Variants in MAPKAPK2 observed in about 807,000 individuals in gnomAD.
The protein encoded by MAPKAPK2 is MAPK activated protein kinase 2, also known as MAP kinase-activated protein kinase 2.
Under a neutral mutation model 48.8 loss-of-function variants are expected in MAPKAPK2, and 9 were observed. The observed-to-expected ratio is 0.18, with a 90% CI of 0.11 to 0.32. The LOEUF (loss-of-function observed/expected upper bound fraction) is 0.32, where lower values mean the gene tolerates loss of function less well. Among genes scored for constraint, MAPKAPK2 ranks in the 10% least tolerant of loss-of-function variants. The probability of loss-of-function intolerance (pLI) is 1.00; values close to 1 mark genes in which losing one functional copy is unlikely to be tolerated. For synonymous variants in MAPKAPK2, 202 were observed against 190.6 expected (o/e 1.06, Z -0.49); for missense variants, 331 against 498.3 (o/e 0.66, Z 3.20).
At position 206,685,209 on chromosome 1, in the gene MAPKAPK2, G is replaced by T; in HGVS notation, c.-21G>T. The T allele has an allele frequency of 2.8e-6, 1 of 362,594 alleles. No homozygotes were observed. The highest frequency in any genetic ancestry group is 4.7e-6 in the Non-Finnish European group (1 of 212,884). The allele number at this position is 362,594 out of a possible 1,614,324, so 22.5% of individuals were successfully genotyped here. ...GGCGGCCGCGGGCACCCCCGCCTGTGCCCCGGCGTCCCCGGGCACCATGCT... is the reference window on the plus strand; with the variant it reads ...GGCGGCCGCGGGCACCCCCGCCTGTTCCCCGGCGTCCCCGGGCACCATGCT... On this transcript the variant is annotated 5_prime_UTR_variant, in exon 1 of 10. Coordinates refer to ENST00000367103, the MANE Select transcript of MAPKAPK2 (RefSeq NM_032960.4).
chr1:206,708,839 C>G (rs1673046603), intron 1 of MAPKAPK2, among the ~76,000 whole-genome samples: 1 of 152,138 alleles, frequency 6.6e-6, no homozygotes, highest in Non-Finnish European at 1.5e-5. Flanking sequence ...ATTAGTTTTG[C>G]TTTTTCTGGA....
intron 1 of MAPKAPK2, 85 bp from the exon 2 acceptor site, chr1:206,728,625 G>T (rs1673787402): frequency 1.3e-6 from 2 of 1,504,704 alleles, no homozygotes; most frequent in Admixed American, 3.8e-5. Context: ...TGGTATGTCG[G>T]TGGCGATGTC....
chr1:206,691,228 G>A (rs6683282), intron 1 of MAPKAPK2, among the ~76,000 whole-genome samples: 44,085 of 151,660 alleles, frequency 0.29, 7,097 homozygotes, highest in Non-Finnish European at 0.36. Context: ...TGGTTCCCTG[G>A]GACCTGCTCT....
intron 1 of MAPKAPK2, among the ~76,000 whole-genome samples, chr1:206,713,657 A>C (rs1418058422): frequency 6.6e-6 from 1 of 152,166 alleles, no homozygotes; most frequent in Non-Finnish European, 1.5e-5. Context: ...ACTTGAGGTC[A>C]GGAGATTGAG....
chr1:206,695,940 A>G (rs2102380017), intron 1 of MAPKAPK2: 1 of 675,212 alleles, frequency 1.5e-6, no homozygotes, highest in East Asian at 2.7e-5. Flanking sequence ...CCTGAGGGCC[A>G]CCTGGGCCCC....
At chr1:206,708,279 C>A (rs1673027801) in intron 1 of MAPKAPK2, among the ~76,000 whole-genome samples, 1 of 152,230 alleles carries the variant, frequency 6.6e-6, no homozygotes, top group African/African-American at 2.4e-5. Context: ...GACCTCCCAG[C>A]CACCTCTTGT....
intron 1 of MAPKAPK2, among the ~76,000 whole-genome samples, chr1:206,687,426 G>T (rs1029384266): frequency 6.6e-6 from 1 of 152,230 alleles, no homozygotes; most frequent in Non-Finnish European, 1.5e-5. Flanking sequence ...AGAAGTGGGC[G>T]AAGAGTGAAG....
At chr1:206,690,385 C>T (rs1672421570) in intron 1 of MAPKAPK2, among the ~76,000 whole-genome samples, 1 of 152,214 alleles carries the variant, frequency 6.6e-6, no homozygotes, top group Non-Finnish European at 1.5e-5. Flanking sequence ...TTTGACTGAG[C>T]TTGGAGACAA....
chr1:206,712,899 G>C (rs1673200053), intron 1 of MAPKAPK2, among the ~76,000 whole-genome samples: 2 of 150,258 alleles, frequency 1.3e-5, no homozygotes, highest in African/African-American at 4.9e-5. Context: ...CCGGGAGGTG[G>C]AGATTTCAGT....
intron 1 of MAPKAPK2, among the ~76,000 whole-genome samples, chr1:206,693,541 G>A (rs1672519728): frequency 6.6e-6 from 1 of 152,144 alleles, no homozygotes; most frequent in Non-Finnish European, 1.5e-5. Context: ...GAGTGACCAA[G>A]CTCATCAGAG....
chr1:206,733,248 C>A lies in MAPKAPK2; in HGVS notation c.*530C>A. ...TTCCTCTCTCGGAGCCCTCAGACAT[C>A]TCCAGTGTGCCAGACAAATAGGAGT... On this transcript the variant is annotated 3_prime_UTR_variant, in exon 10 of 10. Transcript: ENST00000367103. 6.3e-6 allele frequency: 1 copy of A among 159,410 alleles called. No individual in the cohort carries two copies. Among genetic ancestry groups the A allele is most frequent in the Non-Finnish European group, 1.4e-5 (1 of 72,710 alleles). 9.9% of individuals were successfully genotyped at this position (159,410 alleles called of 1,614,324 possible). A position where few individuals can be genotyped will look rare whatever the true frequency, so the allele number is the denominator to read the frequency against.
At chr1:206,703,126 A>G (rs1672851577) in intron 1 of MAPKAPK2, among the ~76,000 whole-genome samples, 1 of 152,204 alleles carries the variant, frequency 6.6e-6, no homozygotes, top group Non-Finnish European at 1.5e-5. Context: ...CTGCATTGGC[A>G]TTCTTACCCT....
intron 5 of MAPKAPK2, among the ~76,000 whole-genome samples, chr1:206,730,446 G>C (rs1673865894): frequency 6.6e-6 from 1 of 152,232 alleles, no homozygotes; most frequent in Admixed American, 6.5e-5. Flanking sequence ...AACGGCATGG[G>C]CCTGAAAGTC....
intron 1 of MAPKAPK2, among the ~76,000 whole-genome samples, chr1:206,713,371 T>C (rs2102399823): frequency 6.6e-6 from 1 of 152,208 alleles, no homozygotes. Flanking sequence ...GTAGCTTCAA[T>C]ATAGGGGATG....
rs2102371580 is a variant in MAPKAPK2 at position 206,688,979 on chromosome 1, TATTAATTA to T, written c.279+3472_279+3479del. Among the ~76,000 whole-genome samples the T allele has an allele frequency of 1.3e-5, 2 of 152,284 alleles. 1 individual carries two copies. Among genetic ancestry groups the T allele is most frequent in the Admixed American group, 1.3e-4 (2 of 15,292 alleles). On this transcript the variant is annotated intron_variant, in intron 1 of 9. Coordinates refer to ENST00000367103, the MANE Select transcript of MAPKAPK2 (RefSeq NM_032960.4). Reference sequence around the variant, plus strand: ...GACACCTAGTCTCAACCCACTTGTGTATTAATTAGTTGTATTCCCCGGGAGGGTTCCTC... The same window carrying T: ...GACACCTAGTCTCAACCCACTTGTGTGTTGTATTCCCCGGGAGGGTTCCTC...
At chr1:206,694,670 G>A (rs534238641) in intron 1 of MAPKAPK2, among the ~76,000 whole-genome samples, 1 of 152,206 alleles carries the variant, frequency 6.6e-6, no homozygotes, top group Non-Finnish European at 1.5e-5. Flanking sequence ...GAGCTCAAAG[G>A]GTCCTGCGGG....
chr1:206,719,266 A>G (rs1158040808), intron 1 of MAPKAPK2, among the ~76,000 whole-genome samples: 1 of 152,068 alleles, frequency 6.6e-6, no homozygotes, highest in Non-Finnish European at 1.5e-5. Flanking sequence ...GGCTTTTGTG[A>G]CTGCCTGTGA....
chr1:206,726,502 A>G (rs1420827589), intron 1 of MAPKAPK2, among the ~76,000 whole-genome samples: 6 of 152,240 alleles, frequency 3.9e-5, no homozygotes, highest in African/African-American at 9.6e-5. Context: ...TCCTGCAACT[A>G]TTGGCTCCGG....
intron 1 of MAPKAPK2, among the ~76,000 whole-genome samples, chr1:206,724,549 C>CT (rs11405091): frequency 0.3 from 40,037 of 134,398 alleles, 6,602 homozygotes; most frequent in Middle Eastern, 0.45. Flanking sequence ...ATGACCAGTC[C>CT]TTTTTTTTTT....
Sources: allele counts gnomAD v4.1 joint callset (sites outside exome capture counted in the v4.1 genomes callset), GRCh38; gene constraint gnomAD v4.1.1; transcripts MANE v1.5; gene names NCBI Gene and HGNC (gene_info 2026-07-23, HGNC 2026-07-21).